Variants in CCDC88C observed in about 807,000 individuals in gnomAD.
CCDC88C encodes protein Daple.
CCDC88C carries 131 observed loss-of-function variants against 198.8 expected under a neutral mutation model. The observed-to-expected ratio is 0.66, with a 90% CI of 0.57 to 0.76. The LOEUF (loss-of-function observed/expected upper bound fraction) is 0.76. Ranked by LOEUF, CCDC88C falls within the 30% of genes least tolerant of loss-of-function variation. The pLI is 0.00. For missense variants in CCDC88C, 2,553 were observed against 2,631.6 expected, an observed-to-expected ratio of 0.97 and a Z score of 0.65; for synonymous variants, 1,166 against 1,114.7, an observed-to-expected ratio of 1.05 and a Z score of -0.92.
In CCDC88C at chr14:91,324,760, G is replaced by T; in HGVS notation, c.1342+19C>A. ...GCGGCCACGGCCAGGCTGGCTCCCC[G>T]GCACCAGGCGCTACCTACCGTCTGA... On this transcript the variant is annotated intron_variant, in intron 12 of 29. Transcript: ENST00000389857. 1 of 1,607,088 alleles carries T rather than the reference G, an allele frequency of 6.2e-7. No homozygotes were observed. The highest frequency in any genetic ancestry group is 8.5e-7 in the Non-Finnish European group (1 of 1,179,394).
At chr14:91,330,090 A>G (rs78212885) in intron 10 of CCDC88C, among the ~76,000 whole-genome samples, 1 of 152,382 alleles carries the variant, frequency 6.6e-6, no homozygotes, top group African/African-American at 2.4e-5. Context: ...CACAAGGTGC[A>G]TGGGGCACAG....
chr14:91,343,782 T>A (rs1893403798), intron 4 of CCDC88C, 125 bp from the exon 5 acceptor site: 2 of 1,056,070 alleles, frequency 1.9e-6, no homozygotes, highest in South Asian at 2.7e-5. Flanking sequence ...TTCACTTAGG[T>A]ATACACACTC....
chr14:91,416,934 T>A, intron 1 of CCDC88C, 96 bp from the exon 2 acceptor site: 1 of 838,760 alleles, frequency 1.2e-6, no homozygotes, highest in Non-Finnish European at 1.9e-6. Context: ...CGGGTCAGTG[T>A]GAGCAGAAGG....
intron 29 of CCDC88C, among the ~76,000 whole-genome samples, chr14:91,274,084 G>A (rs930779074): frequency 8.6e-6 from 1 of 116,026 alleles, no homozygotes; most frequent in African/African-American, 3.3e-5. Flanking sequence ...ACATCATAAG[G>A]ACTTCACCTT....
At chr14:91,315,419 G>A (rs965332743) in intron 14 of CCDC88C, among the ~76,000 whole-genome samples, 2 of 152,064 alleles carry the variant, frequency 1.3e-5, no homozygotes, top group African/African-American at 2.4e-5. Flanking sequence ...CCGGGGTCAC[G>A]ACAATCAAAA....
rs548318303 is a variant in CCDC88C at position 91,342,785 on chromosome 14, A to T, written c.400-322T>A. On this transcript the variant is annotated intron_variant, in intron 5 of 29. Coordinates refer to ENST00000389857, the MANE Select transcript of CCDC88C (RefSeq NM_001080414.4). ...CCCGGTGATTCTTAAGTACAGAAAG[A>T]CGGGGGACACCTGGTTTAGGCCAGG... Among the ~76,000 whole-genome samples, 17 of 152,284 alleles carry T rather than the reference A, an allele frequency of 1.1e-4. No individual in the cohort carries two copies. In the South Asian group the frequency reaches 3.5e-3, roughly 32 times the overall value.
chr14:91,310,174 T>C (rs1159011882), intron 15 of CCDC88C, among the ~76,000 whole-genome samples, 188 bp from the exon 16 acceptor site: 1 of 151,614 alleles, frequency 6.6e-6, no homozygotes, highest in Non-Finnish European at 1.5e-5. Context: ...TGTCCAGCCC[T>C]CCTGGTGCTG....
Position 91,400,165 on chromosome 14 carries a change from G to A in CCDC88C, c.270+8494C>T, listed in dbSNP as rs1054046598. Among the ~76,000 whole-genome samples the A allele has an allele frequency of 5.3e-5, 8 of 152,142 alleles. No individual in the cohort carries two copies. In the South Asian group the frequency reaches 6.2e-4, roughly 12 times the overall value. On this transcript the variant is annotated intron_variant, in intron 3 of 29. Transcript: ENST00000389857. ...TGGCCACTCTCCCACCCCACAAAACGTGAGCATCTCGGGCATGGAGAGGAC... is the reference window on the plus strand; with the variant it reads ...TGGCCACTCTCCCACCCCACAAAACATGAGCATCTCGGGCATGGAGAGGAC...
chr14:91,296,452 G>A (rs1891005439), intron 22 of CCDC88C, among the ~76,000 whole-genome samples: 1 of 152,226 alleles, frequency 6.6e-6, no homozygotes, highest in Non-Finnish European at 1.5e-5. Context: ...GCACCTGCCT[G>A]TGACAGCACA....
Position 91,368,843 on chromosome 14 carries a change from G to A in CCDC88C, c.271-9132C>T, listed in dbSNP as rs572607708. ...CTGGATTTGGCCAGAAGCAGCCCCT[G>A]AATGCACCTCAACAACTTGATGGCC... On this transcript the variant is annotated intron_variant, in intron 3 of 29. Transcript: ENST00000389857. 4.1e-4 allele frequency among the ~76,000 whole-genome samples: 63 copies of A among 152,278 alleles called. No individual in the cohort carries two copies. In the South Asian group the frequency reaches 0.012, roughly 30 times the overall value.
intron 10 of CCDC88C, among the ~76,000 whole-genome samples, chr14:91,329,298 G>A (rs1030268841): frequency 2.6e-5 from 4 of 152,228 alleles, no homozygotes; most frequent in Admixed American, 2.6e-4. Context: ...TAAGGAACAA[G>A]GGAGACACAA....
At position 91,339,760 on chromosome 14, in the gene CCDC88C, C is replaced by A; in HGVS notation, c.624+124G>T. ...GGGCCGTAACCAGGGAAAGCACGCA[C>A]GTCCCACCCCCACCAGAACCTCAGC... is the stretch of plus-strand genomic sequence containing the variant. On this transcript the variant is annotated intron_variant, in intron 7 of 29. Coordinates refer to ENST00000389857, the MANE Select transcript of CCDC88C (RefSeq NM_001080414.4). The surrounding 1 kb of genome is among the most constrained non-coding windows in gnomAD (Gnocchi z 5.8). 7 of 1,210,574 alleles carry A rather than the reference C, an allele frequency of 5.8e-6. No homozygotes were observed. The highest frequency in any genetic ancestry group is 1.6e-5 in the South Asian group (1 of 63,106). The allele number at this position is 1,210,574 out of a possible 1,614,324, so 75.0% of individuals were successfully genotyped here. A position where few individuals can be genotyped will look rare whatever the true frequency, so the allele number is the denominator to read the frequency against.
At chr14:91,283,684 G>A (rs992049827) in intron 25 of CCDC88C, 167 bp from the exon 26 acceptor site, 6 of 655,598 alleles carry the variant, frequency 9.2e-6, no homozygotes, top group South Asian at 3.9e-5. Context: ...TGGCGGGGCA[G>A]GTGGGGGCAA....
At position 91,314,443 on chromosome 14, in the gene CCDC88C, G is replaced by A. The variant is rs532593087; in HGVS notation, c.1666-293C>T. On this transcript the variant is annotated intron_variant, in intron 14 of 29. Coordinates refer to ENST00000389857, the MANE Select transcript of CCDC88C (RefSeq NM_001080414.4). Reference sequence around the variant, plus strand: ...CGGTTTCTCTTGGTCTCTGGTAGCCGGGCCCTGCCCACCTCTGCAGCCTCT... The same window carrying A: ...CGGTTTCTCTTGGTCTCTGGTAGCCAGGCCCTGCCCACCTCTGCAGCCTCT... 5.8e-4 allele frequency among the ~76,000 whole-genome samples: 89 copies of A among 152,234 alleles called. 1 individual carries two copies. Among genetic ancestry groups the A allele is most frequent in the African/African-American group, 2.1e-3 (87 of 41,534 alleles).
chr14:91,312,934 C>G, intron 15 of CCDC88C, 146 bp downstream of exon 15: 1 of 631,392 alleles, frequency 1.6e-6, no homozygotes, highest in Non-Finnish European at 2.7e-6. Flanking sequence ...TCACTGGGTT[C>G]TTAGACCTTT....
intron 10 of CCDC88C, among the ~76,000 whole-genome samples, chr14:91,333,540 C>T (rs1892918950): frequency 6.6e-6 from 1 of 152,204 alleles, no homozygotes. Context: ...CCATGTAAAA[C>T]GATGCTGTGT....
At chr14:91,408,316 A>G (rs1886615549) in intron 3 of CCDC88C, 2 of 249,608 alleles carry the variant, frequency 8.0e-6, no homozygotes, top group East Asian at 2.0e-4. Flanking sequence ...GGCTGCGGAT[A>G]ACCACCTCAG....
Position 91,273,177 on chromosome 14 carries a change from CA to C in CCDC88C, c.5534del (p.Leu1845ArgfsTer220). ...LGGRETGSHT[L>X]QSPAPPSSHS... ...GGGAGCTGGGGGGTGCGGGGCTTTG[CA>C]GGGTGTGGCTGCCTGTCTCTCTGCC... On this transcript the variant is annotated frameshift_variant, in exon 30 of 30. Transcript: ENST00000389857. LOFTEE classifies it low-confidence loss of function (END_TRUNC). The surrounding 1 kb of genome is among the most constrained non-coding windows in gnomAD (Gnocchi z 5.6). 1 of 1,579,094 alleles carries C rather than the reference CA, an allele frequency of 6.3e-7. No homozygotes were observed. The highest frequency in any genetic ancestry group is 1.2e-5 in the South Asian group (1 of 86,410).
At position 91,339,082 on chromosome 14, in the gene CCDC88C, G is replaced by GC; in HGVS notation, c.809+195dup. On this transcript the variant is annotated intron_variant, in intron 8 of 29. Transcript: ENST00000389857. This position sits in a 1 kb window ranked among gnomAD's most constrained non-coding sequence, Gnocchi z 5.8. ...ACCCTGAAGACCGGGAAGAATCCCC[G>GC]CCCCCATCCCTGTGCAGGCCTCAGA... 2.9e-6 allele frequency: 2 copies of GC among 684,506 alleles called. No homozygotes were observed. Among genetic ancestry groups the GC allele is most frequent in the Middle Eastern group, 3.8e-4 (1 of 2,610 alleles). The allele number at this position is 684,506 out of a possible 1,614,324, so 42.4% of individuals were successfully genotyped here.
Sources: allele counts gnomAD v4.1 joint callset (sites outside exome capture counted in the v4.1 genomes callset), GRCh38; gene constraint gnomAD v4.1.1; non-coding constraint Gnocchi (gnomAD v3.1); transcripts MANE v1.5; gene names NCBI Gene and HGNC (gene_info 2026-07-23, HGNC 2026-07-21).